Variants in HMCN1 observed in about 807,000 individuals in gnomAD.
HMCN1 encodes the protein hemicentin-1.
Under a neutral mutation model 625.9 loss-of-function variants are expected in HMCN1, and 321 were observed. The ratio of observed to expected loss-of-function variants is 0.51; its 90% CI spans 0.47 to 0.56. HMCN1 has a LOEUF of 0.56. Among genes scored for constraint, HMCN1 ranks in the 20% least tolerant of loss-of-function variants. The pLI is 0.00. For missense variants in HMCN1, 6,588 were observed against 6,887.3 expected, an observed-to-expected ratio of 0.96 and a Z score of 1.54; for synonymous variants, 2,425 against 2,417.6, an observed-to-expected ratio of 1.00 and a Z score of -0.09.
chr1:186,081,738 A>C (rs185986210), intron 56 of HMCN1, among the ~76,000 whole-genome samples: 3 of 152,274 alleles, frequency 2.0e-5, no homozygotes, highest in Admixed American at 2.0e-4. Flanking sequence ...AAATGGTAGG[A>C]AGTTCCCTAT....
Position 185,933,575 on chromosome 1 carries a change from A to G in HMCN1, c.1579A>G (p.Asn527Asp), listed in dbSNP as rs1667660952. Residue 527 changes from asparagine (N) to aspartate (D), a missense_variant, in exon 11 of 107, where the codon AAC becomes GAC. Physicochemically the swap from Asn to Asp is conservative, Grantham distance 23. Coordinates refer to ENST00000271588, the MANE Select transcript of HMCN1 (RefSeq NM_031935.3). Reference sequence around the variant, plus strand: ...GCCCCCTCCGGTCATCCAAGTGCCTAACAATGTTACAGTCACTCCTGGAGA... The same window carrying G: ...GCCCCCTCCGGTCATCCAAGTGCCTGACAATGTTACAGTCACTCCTGGAGA... Reference protein sequence around the residue: ...SEPPPVIQVPNNVTVTPGERA... With the variant: ...SEPPPVIQVPDNVTVTPGERA... 6.2e-7 allele frequency: 1 copy of G among 1,613,868 alleles called. No homozygotes were observed. Among genetic ancestry groups the G allele is most frequent in the African/African-American group, 1.3e-5 (1 of 74,940 alleles).
chr1:186,093,680 A>G lies in HMCN1; in HGVS notation c.10196+11A>G. 1 of 1,612,984 alleles carries G rather than the reference A, an allele frequency of 6.2e-7. No individual in the cohort carries two copies. The highest frequency in any genetic ancestry group is 1.1e-5 in the South Asian group (1 of 91,072). ...AGGACAAGTTATCAGGTCAGCTTTT[A>G]TTGTGTCTGATTTCCTAAACAGATG... On this transcript the variant is annotated intron_variant, in intron 66 of 106. Coordinates refer to ENST00000271588, the MANE Select transcript of HMCN1 (RefSeq NM_031935.3).
chr1:186,185,199 A>AC (rs1653208258), intron 105 of HMCN1, among the ~76,000 whole-genome samples: 1 of 152,210 alleles, frequency 6.6e-6, no homozygotes, highest in South Asian at 2.1e-4. Flanking sequence ...ATGTGCGTCC[A>AC]CCTTCTAGTC....
intron 36 of HMCN1, 37 bp downstream of exon 36, chr1:186,023,190 G>T (rs1327885639): frequency 1.3e-6 from 2 of 1,579,020 alleles, no homozygotes; most frequent in Non-Finnish European, 8.7e-7. Context: ...AAGAATATTT[G>T]TATCACTTTT....
At chr1:186,080,705 C>G (rs1191200443) in intron 55 of HMCN1, among the ~76,000 whole-genome samples, 1 of 152,116 alleles carries the variant, frequency 6.6e-6, no homozygotes, top group African/African-American at 2.4e-5. Context: ...GATGCTGATA[C>G]CACTGGTGCT....
intron 4 of HMCN1, among the ~76,000 whole-genome samples, chr1:185,902,570 C>A (rs1665878363): frequency 6.6e-6 from 1 of 151,448 alleles, no homozygotes; most frequent in Non-Finnish European, 1.5e-5. Flanking sequence ...TACCTGTATA[C>A]CTTATTAAAT....
intron 97 of HMCN1, among the ~76,000 whole-genome samples, chr1:186,157,484 A>C (rs1211887318): frequency 6.6e-6 from 1 of 152,168 alleles, no homozygotes; most frequent in African/African-American, 2.4e-5. Flanking sequence ...GGGAACATTA[A>C]GCAACTTTTT....
At chr1:186,056,614 G>A (rs1462440447) in intron 45 of HMCN1, among the ~76,000 whole-genome samples, 1 of 151,908 alleles carries the variant, frequency 6.6e-6, no homozygotes, top group African/African-American at 2.4e-5. Flanking sequence ...TGCAGTTGGA[G>A]ACCATAATCA....
Position 186,144,316 on chromosome 1 carries a change from C to A in HMCN1, c.14068C>A (p.Gln4690Lys), listed in dbSNP as rs1232253182. The change falls in exon 90 of 107, where the codon CAA (glutamine) becomes AAA (lysine). Residue 4690 changes from glutamine to lysine, a missense_variant. Gln to Lys is a moderately conservative substitution (Grantham distance 53, BLOSUM62 1). This residue lies in a region of HMCN1 where 1,954 missense variants were observed against 2,013.1 expected (regional missense o/e 0.97). Coordinates refer to ENST00000271588, the MANE Select transcript of HMCN1 (RefSeq NM_031935.3). ...CTGTGATGGAGCAGAAACACAGATG[C>A]AAGTTTGCAATGAAAGAAATTGTCC... is the stretch of plus-strand genomic sequence containing the variant. Reference protein sequence around the residue: ...SYCDGAETQMQVCNERNCPIH... With the variant: ...SYCDGAETQMKVCNERNCPIH... 1 of 1,613,762 alleles carries A rather than the reference C, an allele frequency of 6.2e-7. No homozygotes were observed. Among genetic ancestry groups the A allele is most frequent in the Non-Finnish European group, 8.5e-7 (1 of 1,179,956 alleles).
chr1:186,125,892 A>T (rs1661618040), intron 82 of HMCN1, 98 bp downstream of exon 82: 2 of 702,286 alleles, frequency 2.8e-6, no homozygotes, highest in Non-Finnish European at 4.3e-6. Flanking sequence ...TTTAATAATT[A>T]AAAAAAATAT....
chr1:185,859,031 G>GTA (rs1190596944), intron 2 of HMCN1, among the ~76,000 whole-genome samples: 1 of 144,824 alleles, frequency 6.9e-6, no homozygotes. Flanking sequence ...GTGTGTGTGT[G>GTA]TGTGTGTGTG....
chr1:185,770,340 A>T lies in HMCN1; in HGVS notation c.268+35293A>T, dbSNP rs531044863. 7.9e-4 allele frequency among the ~76,000 whole-genome samples: 121 copies of T among 152,374 alleles called. 1 individual carries two copies. The highest frequency in any genetic ancestry group is 2.8e-3 in the African/African-American group (115 of 41,602). ...AGTAAATAATTTAGCTTTTAACTTT[A>T]GATAAAGCATTGAAGACCACAATTG... is the stretch of plus-strand genomic sequence containing the variant. On this transcript the variant is annotated intron_variant, in intron 1 of 106. Transcript: ENST00000271588.
At chr1:186,032,753 A>C (rs1655545689) in intron 36 of HMCN1, among the ~76,000 whole-genome samples, 1 of 30,894 alleles carries the variant, frequency 3.2e-5, no homozygotes, top group East Asian at 1.1e-3. Flanking sequence ...AAAGAAAAAA[A>C]AAAAGAAAAA....
At chr1:185,738,696 T>G (rs181729577) in intron 1 of HMCN1, among the ~76,000 whole-genome samples, 2 of 152,304 alleles carry the variant, frequency 1.3e-5, no homozygotes, top group East Asian at 3.9e-4. Flanking sequence ...AGGGTTCCGA[T>G]TTCTTTCCAA....
chr1:185,777,382 T>A (rs1365887759), intron 1 of HMCN1, among the ~76,000 whole-genome samples: 1 of 152,152 alleles, frequency 6.6e-6, no homozygotes, highest in Admixed American at 6.5e-5. Flanking sequence ...TTCAAATGTT[T>A]GACACAATGT....
Position 185,990,423 on chromosome 1 carries a change from C to T in HMCN1, c.3357C>T (p.Leu1119=). ...TTACTTGGGCCAAAGAAACCCAGCT[C>T]ATCTCACCGTTCTCTCCAAGGTAGG... is the stretch of plus-strand genomic sequence containing the variant. ...PIITWAKETQ[L]ISPFSPRHTF... The change falls in exon 22 of 107, where the codon CTC becomes CTT. Residue 1119 remains leucine (L), a synonymous_variant. Coordinates refer to ENST00000271588, the MANE Select transcript of HMCN1 (RefSeq NM_031935.3). 4 of 1,614,054 alleles carry T rather than the reference C, an allele frequency of 2.5e-6. No homozygotes were observed. Among genetic ancestry groups the T allele is most frequent in the South Asian group, 2.2e-5 (2 of 91,076 alleles).
chr1:185,788,644 G>A (rs929595618), intron 1 of HMCN1, among the ~76,000 whole-genome samples: 1 of 152,178 alleles, frequency 6.6e-6, no homozygotes, highest in African/African-American at 2.4e-5. Flanking sequence ...TGTCTCAAGG[G>A]ATAATGGAAT....
chr1:185,869,456 C>T (rs902856081), intron 4 of HMCN1, among the ~76,000 whole-genome samples: 4 of 151,982 alleles, frequency 2.6e-5, no homozygotes, highest in African/African-American at 9.7e-5. Context: ...TGGTATTATG[C>T]TTTTAAAGTG....
intron 1 of HMCN1, among the ~76,000 whole-genome samples, chr1:185,811,523 C>A (rs796488079): frequency 9.9e-5 from 15 of 151,896 alleles, no homozygotes; most frequent in Non-Finnish European, 1.9e-4. Context: ...TGCTTAGGCA[C>A]AGGAAGTTGA....
Sources: allele counts gnomAD v4.1 joint callset (sites outside exome capture counted in the v4.1 genomes callset), GRCh38; gene constraint gnomAD v4.1.1; regional missense constraint gnomAD v4.1.1; transcripts MANE v1.5; gene names NCBI Gene and HGNC (gene_info 2026-07-23, HGNC 2026-07-21).